The following SEC14L2 variants were observed in gnomAD, a reference collection of about 807,000 sequenced individuals.
SEC14L2 encodes the protein SEC14-like protein 2.
Under a neutral mutation model 56.9 loss-of-function variants are expected in SEC14L2, and 50 were observed. The ratio of observed to expected loss-of-function variants is 0.88; its 90% CI spans 0.70 to 1.11. The LOEUF is 1.11. SEC14L2 is among the 50% of genes most tolerant of loss of function. The probability of loss-of-function intolerance (pLI) is 0.00; values close to 1 mark genes in which losing one functional copy is unlikely to be tolerated. For synonymous variants in SEC14L2, 179 were observed against 188.5 expected (o/e 0.95, Z 0.41); for missense variants, 414 against 500.7 (o/e 0.83, Z 1.65).
rs779026560 is a variant in SEC14L2, at chr22:30,415,785, C to T, written c.691C>T (p.His231Tyr). The T allele has an allele frequency of 1.2e-6, 2 of 1,614,058 alleles. No individual in the cohort carries two copies. The part of the protein sequence containing the change: ...GANWKEVLLK[H>Y]ISPDQVPVEY... The stretch of plus-strand genomic sequence containing the variant: ...AAATTGGAAGGAGGTTTTACTGAAA[C>T]ATATCAGCCCTGACCAGGTGCCTGT... Residue 231 changes from histidine (H) to tyrosine (Y), a missense_variant, in exon 9 of 12, where the codon CAT becomes TAT. Physicochemically the swap from His to Tyr is moderately conservative, Grantham distance 83. Transcript: ENST00000615189.
At position 30,415,883 on chromosome 22, in the gene SEC14L2, C is replaced by A; in HGVS notation, c.771+18C>A. On this transcript the variant is annotated intron_variant, in intron 9 of 11. Coordinates refer to ENST00000615189, the MANE Select transcript of SEC14L2 (RefSeq NM_012429.5). The stretch of plus-strand genomic sequence containing the variant: ...AATCCAAGGTATGAGCCGCCAGAGG[C>A]TAGAGGTGAACAGGGATGCCTGGCT... 1 of 1,614,180 alleles carries A rather than the reference C, an allele frequency of 6.2e-7. No homozygotes were observed. The highest frequency in any genetic ancestry group is 1.1e-5 in the South Asian group (1 of 91,088).
chr22:30,401,768 G>A (rs754914767), intron 2 of SEC14L2, among the ~76,000 whole-genome samples: 1 of 149,260 alleles, frequency 6.7e-6, no homozygotes, highest in Non-Finnish European at 1.5e-5. Context: ...TGATCCATCC[G>A]CCTTGGCCTA....
chr22:30,422,305 C>T lies in SEC14L2; in HGVS notation c.1110C>T (p.Ser370=). 6.2e-7 allele frequency: 1 copy of T among 1,614,214 alleles called. No individual in the cohort carries two copies. Among genetic ancestry groups the T allele is most frequent in the East Asian group, 2.2e-5 (1 of 44,892 alleles). The change falls in exon 12 of 12, where the codon AGC becomes AGT. Residue 370 remains serine, a synonymous_variant. Coordinates refer to ENST00000615189, the MANE Select transcript of SEC14L2 (RefSeq NM_012429.5). The part of the protein sequence containing the change: ...IYVLRFDNTY[S]FIHAKKVNFT... ...TCCTGCGGTTTGACAACACCTACAG[C>T]TTCATTCATGCCAAGAAGGTCAATT...
chr22:30,399,599 G>A (rs375262719), intron 1 of SEC14L2, 44 bp from the exon 2 acceptor site: 7 of 1,503,810 alleles, frequency 4.7e-6, no homozygotes, highest in Non-Finnish European at 6.4e-6. Flanking sequence ...GAGGGCAGCA[G>A]TCAGGGCGGG....
chr22:30,415,745 C>T lies in SEC14L2; in HGVS notation c.665-14C>T. ...TTGAGATACATCTTTATCCTTCCTT[C>T]CCTCTCCTGCCAGCAAATTGGAAGG... On this transcript the variant is annotated splice_polypyrimidine_tract_variant and intron_variant, in intron 8 of 11. Coordinates refer to ENST00000615189, the MANE Select transcript of SEC14L2 (RefSeq NM_012429.5). 3 of 1,609,810 alleles carry T rather than the reference C, an allele frequency of 1.9e-6. No homozygotes were observed. Among genetic ancestry groups the T allele is most frequent in the South Asian group, 2.2e-5 (2 of 90,950 alleles).
chr22:30,408,105 CAAAA>C (rs60513716), intron 5 of SEC14L2, among the ~76,000 whole-genome samples: 4 of 89,396 alleles, frequency 4.5e-5, no homozygotes, highest in Non-Finnish European at 9.6e-5. Flanking sequence ...GACTCCATCT[CAAAA>C]AAAAAAAAAA....
intron 2 of SEC14L2, among the ~76,000 whole-genome samples, chr22:30,402,237 A>G (rs535044197): frequency 6.6e-6 from 1 of 152,126 alleles, no homozygotes; most frequent in South Asian, 2.1e-4. Flanking sequence ...GGGTGGAGAG[A>G]GTGGGAAGAT....
chr22:30,397,238 A>G, intron 1 of SEC14L2, 68 bp downstream of exon 1: 1 of 1,226,428 alleles, frequency 8.2e-7, no homozygotes, highest in Non-Finnish European at 1.1e-6. Flanking sequence ...GGCAGCGAGA[A>G]GGGACGGGGC....
chr22:30,422,251 T>G, intron 11 of SEC14L2, 26 bp from the exon 12 acceptor site: 1 of 1,613,500 alleles, frequency 6.2e-7, no homozygotes, highest in Non-Finnish European at 8.5e-7. Context: ...TGCCTGAATG[T>G]CTGTCTGGTT....
At chr22:30,406,843 C>T (rs1934108696) in intron 3 of SEC14L2, among the ~76,000 whole-genome samples, 1 of 152,204 alleles carries the variant, frequency 6.6e-6, no homozygotes. Flanking sequence ...ACCTCCGCCT[C>T]CCGGGTTCAA....
intron 2 of SEC14L2, among the ~76,000 whole-genome samples, chr22:30,405,610 A>G (rs1339170424): frequency 2.0e-5 from 3 of 152,014 alleles, no homozygotes; most frequent in Non-Finnish European, 4.4e-5. Flanking sequence ...AGGCTCATCA[A>G]CCCCTCTATC....
intron 8 of SEC14L2, 57 bp downstream of exon 8, chr22:30,410,736 C>T (rs1052196988): frequency 6.5e-7 from 1 of 1,530,052 alleles, no homozygotes. Context: ...TAAATCGGGT[C>T]CAGCTTTAGG....
rs1453238838 is a variant in SEC14L2, at chr22:30,416,050, G to A, written c.874G>A (p.Val292Met). 2.5e-6 allele frequency: 4 copies of A among 1,614,280 alleles called. No individual in the cohort carries two copies. The highest frequency in any genetic ancestry group is 2.2e-5 in the East Asian group (1 of 44,894). ...GATTTCCCGTGGCTCCTCCCACCAA[G>A]TGGAGTATGAGATCCTCTTCCCTGG... ...VQISRGSSHQVEYEILFPGCV... is the reference protein window; with the variant it reads ...VQISRGSSHQMEYEILFPGCV... The change falls in exon 10 of 12, where the codon GTG (valine) becomes ATG (methionine). Residue 292 changes from valine to methionine, a missense_variant. Physicochemically the swap from Val to Met is conservative, Grantham distance 21. Coordinates refer to ENST00000615189, the MANE Select transcript of SEC14L2 (RefSeq NM_012429.5).
intron 7 of SEC14L2, among the ~76,000 whole-genome samples, chr22:30,409,801 G>A (rs1934199764): frequency 1.3e-5 from 2 of 152,246 alleles, no homozygotes; most frequent in South Asian, 4.1e-4. Context: ...TCAAAAGGCT[G>A]AGGCAAGAGC....
chr22:30,406,926 A>G (rs1227476749), intron 3 of SEC14L2, among the ~76,000 whole-genome samples, 169 bp from the exon 4 acceptor site: 1 of 151,928 alleles, frequency 6.6e-6, no homozygotes, highest in South Asian at 2.1e-4. Flanking sequence ...TAATTTTTCT[A>G]TTTTTAGTAG....
At chr22:30,415,737 C>G (rs1601785068) in intron 8 of SEC14L2, 22 bp from the exon 9 acceptor site, 1 of 1,601,520 alleles carries the variant, frequency 6.2e-7, no homozygotes, top group East Asian at 2.2e-5. Context: ...ACATCTTTAT[C>G]CTTCCTTCCC....
Position 30,423,929 on chromosome 22 carries a change from A to G in SEC14L2, c.*1522A>G, listed in dbSNP as rs1318949167. 1.3e-5 allele frequency: 2 copies of G among 152,288 alleles called. No homozygotes were observed. The highest frequency in any genetic ancestry group is 1.9e-4 in the East Asian group (1 of 5,202). The allele number at this position is 152,288 out of a possible 1,614,324, so 9.4% of individuals were successfully genotyped here. On this transcript the variant is annotated 3_prime_UTR_variant, in exon 12 of 12. Coordinates refer to ENST00000615189, the MANE Select transcript of SEC14L2 (RefSeq NM_012429.5). ...CAGACGGCGTCAGGGACCCGGACCC[A>G]GCAGCCGTTTCACGCCAATAGATAG...
At position 30,410,589 on chromosome 22, in the gene SEC14L2, G is replaced by C. The variant is rs781492937; in HGVS notation, c.581-7G>C. ...CCCAGCCTCACATTATCTGGTCTCT[G>C]TTCCAGCCCCCAAACTGTTTCCTGT... is the stretch of plus-strand genomic sequence containing the variant. On this transcript the variant is annotated splice_region_variant and splice_polypyrimidine_tract_variant and intron_variant, in intron 7 of 11. Transcript: ENST00000615189. 6.2e-7 allele frequency: 1 copy of C among 1,613,974 alleles called. No homozygotes were observed. Among genetic ancestry groups the C allele is most frequent in the Admixed American group, 1.7e-5 (1 of 60,034 alleles).
intron 4 of SEC14L2, 90 bp downstream of exon 4, chr22:30,407,244 G>C: frequency 2.0e-6 from 3 of 1,530,726 alleles, no homozygotes; most frequent in Non-Finnish European, 2.7e-6. Context: ...GATCCTTAGA[G>C]GAAAGGTCTG....
Sources: gnomAD v4.1 joint callset for allele counts (sites outside exome capture counted in the v4.1 genomes callset) on GRCh38, gnomAD v4.1.1 for gene constraint, MANE v1.5 for transcripts, NCBI Gene and HGNC (gene_info 2026-07-23, HGNC 2026-07-21) for gene names.